RPS6KC1: variants seen among roughly 807,000 people sequenced by gnomAD.
RPS6KC1 encodes the protein inactive ribosomal protein S6 kinase delta-1.
RPS6KC1 carries 54 observed loss-of-function variants against 103.8 expected under a neutral mutation model. The observed-to-expected ratio is 0.52, with a 90% confidence interval of 0.42 to 0.65. The LOEUF is 0.65. RPS6KC1 is among the 30% of genes least tolerant of loss of function. The pLI is 0.00. For synonymous variants in RPS6KC1, 439 were observed against 438.7 expected, an observed-to-expected ratio of 1.00 and a Z score of -0.01; for missense variants, 1,151 against 1,253.8, an observed-to-expected ratio of 0.92 and a Z score of 1.24.
the RPS6KC1 span, among the ~76,000 whole-genome samples, chr1:213,436,731 C>G: frequency 3.3e-5 from 5 of 152,096 alleles, no homozygotes; most frequent in Non-Finnish European, 5.9e-5. Flanking sequence ...AGACACTTTT[C>G]AACAGATTTA....
chr1:213,783,737 G>C, the RPS6KC1 span, among the ~76,000 whole-genome samples: 1 of 139,628 alleles, frequency 7.2e-6, no homozygotes, highest in African/African-American at 2.6e-5. Context: ...CTTAATAACA[G>C]CTTTGAATAC....
At chr1:213,445,223 TATC>T in the RPS6KC1 span, among the ~76,000 whole-genome samples, 1 of 152,214 alleles carries the variant, frequency 6.6e-6, no homozygotes, top group East Asian at 1.9e-4. Context: ...TCTATGGACA[TATC>T]ATGTTTTATT....
chr1:213,283,631 G>A, the RPS6KC1 span, among the ~76,000 whole-genome samples: 3 of 152,122 alleles, frequency 2.0e-5, no homozygotes, highest in South Asian at 2.1e-4. Flanking sequence ...CTAAGAGCTC[G>A]AGATAGGGGG....
intron 5 of RPS6KC1, among the ~76,000 whole-genome samples, chr1:213,121,953 G>GA (rs1390064751): frequency 6.6e-6 from 1 of 152,056 alleles, no homozygotes; most frequent in Non-Finnish European, 1.5e-5. Flanking sequence ...TGTGAATTAA[G>GA]AACTCCTCAA....
chr1:213,452,788 G>A, the RPS6KC1 span, among the ~76,000 whole-genome samples: 84 of 152,224 alleles, frequency 5.5e-4, no homozygotes, highest in Admixed American at 1.6e-3. Context: ...AAAAGTACAC[G>A]AGCAAACAAA....
chr1:213,163,776 C>T (rs2090708866), intron 6 of RPS6KC1, among the ~76,000 whole-genome samples: 1 of 151,944 alleles, frequency 6.6e-6, no homozygotes, highest in Non-Finnish European at 1.5e-5. Context: ...CTCAGAAAGA[C>T]CTGTTCTCTT....
the RPS6KC1 span, among the ~76,000 whole-genome samples, chr1:213,702,076 G>T: frequency 6.6e-6 from 1 of 151,606 alleles, no homozygotes; most frequent in East Asian, 1.9e-4. Flanking sequence ...TGTCAATACT[G>T]CTTTTGCTAT....
chr1:213,129,007 GA>G (rs2085296118), intron 5 of RPS6KC1, among the ~76,000 whole-genome samples: 1 of 152,102 alleles, frequency 6.6e-6, no homozygotes, highest in Non-Finnish European at 1.5e-5. Flanking sequence ...TAAGTTTTAA[GA>G]GCTGGCGCTG....
At chr1:213,548,329 A>T in the RPS6KC1 span, among the ~76,000 whole-genome samples, 2 of 152,238 alleles carry the variant, frequency 1.3e-5, no homozygotes, top group Admixed American at 6.5e-5. Context: ...AAACCCACAC[A>T]ATATATTTTG....
At chr1:213,818,440 G>A in the RPS6KC1 span, 8 of 152,200 alleles carry the variant, frequency 5.3e-5, no homozygotes, top group Non-Finnish European at 5.9e-5. Context: ...AAGTGTTAGC[G>A]GTCTGGATAA....
At chr1:213,158,650 T>C (rs535587376) in intron 6 of RPS6KC1, among the ~76,000 whole-genome samples, 1 of 152,338 alleles carries the variant, frequency 6.6e-6, no homozygotes, top group African/African-American at 2.4e-5. Context: ...CTTGGACACA[T>C]AGAGCTACTT....
intron 8 of RPS6KC1, among the ~76,000 whole-genome samples, chr1:213,193,728 A>AT (rs1160772437): frequency 1.3e-5 from 2 of 152,138 alleles, no homozygotes; most frequent in Non-Finnish European, 2.9e-5. Flanking sequence ...CTCCACGCTT[A>AT]AACGATCCTC....
At chr1:213,532,012 T>C in the RPS6KC1 span, among the ~76,000 whole-genome samples, 3 of 152,296 alleles carry the variant, frequency 2.0e-5, no homozygotes, top group South Asian at 6.2e-4. Context: ...CGAGTATGCT[T>C]TTCTTGGCAC....
the RPS6KC1 span, among the ~76,000 whole-genome samples, chr1:213,349,128 G>T: frequency 1.3e-4 from 19 of 151,982 alleles, no homozygotes; most frequent in Non-Finnish European, 2.4e-4. Flanking sequence ...AGAAGTATCT[G>T]CTTATTTATT....
the RPS6KC1 span, among the ~76,000 whole-genome samples, chr1:213,518,323 T>G: frequency 6.6e-6 from 1 of 152,144 alleles, no homozygotes; most frequent in Non-Finnish European, 1.5e-5. Flanking sequence ...GATTATCCAG[T>G]TGGTTCTAAA....
chr1:213,684,996 G>A, the RPS6KC1 span, among the ~76,000 whole-genome samples: 673 of 152,284 alleles, frequency 4.4e-3, 5 homozygotes, highest in South Asian at 0.013. Context: ...TCTGTCACTT[G>A]CATCAAAAAA....
chr1:213,749,712 A>C, the RPS6KC1 span, among the ~76,000 whole-genome samples: 236 of 152,102 alleles, frequency 1.6e-3, 3 homozygotes, highest in African/African-American at 5.4e-3. Flanking sequence ...TGTGGTGTCT[A>C]TTGTGGCAGC....
chr1:213,578,357 C>T, the RPS6KC1 span, among the ~76,000 whole-genome samples: 1 of 152,216 alleles, frequency 6.6e-6, no homozygotes, highest in Non-Finnish European at 1.5e-5. Flanking sequence ...GAAGTTGAAG[C>T]CCGTACACAG....
chr1:213,064,803 G>A (rs545750544), intron 1 of RPS6KC1, among the ~76,000 whole-genome samples: 8 of 146,356 alleles, frequency 5.5e-5, no homozygotes, highest in South Asian at 2.2e-4. Context: ...TCAGCCTCCC[G>A]AGTAACTGGG....
Sources: allele counts gnomAD v4.1 joint callset (sites outside exome capture counted in the v4.1 genomes callset), GRCh38; gene constraint gnomAD v4.1.1; transcripts MANE v1.5; gene names NCBI Gene and HGNC (gene_info 2026-07-23, HGNC 2026-07-21).